The following NHSL1 variants were observed in gnomAD, a reference collection of about 807,000 sequenced individuals.
NHSL1 encodes the protein NHS-like protein 1.
In NHSL1, 48 loss-of-function variants were observed where a neutral mutation model predicts 95.0. The ratio of observed to expected loss-of-function variants is 0.51; its 90% confidence interval spans 0.40 to 0.64. The LOEUF is 0.64. Ranked by LOEUF, NHSL1 falls within the 30% of genes least tolerant of loss-of-function variation. The pLI is 0.00. For synonymous variants in NHSL1, 783 were observed against 833.9 expected (o/e 0.94, Z 1.05); for missense variants, 1,971 against 2,077.7 (o/e 0.95, Z 1.00).
At chr6:138,672,876 G>T (rs1562409124) in intron 1 of NHSL1, among the ~76,000 whole-genome samples, 2 of 152,024 alleles carry the variant, frequency 1.3e-5, no homozygotes, top group Non-Finnish European at 2.9e-5. Flanking sequence ...AATTAGCTGG[G>T]CATGGTGGCA....
At chr6:138,650,336 C>T (rs879088496) in intron 1 of NHSL1, 20 of 933,314 alleles carry the variant, frequency 2.1e-5, no homozygotes, top group Non-Finnish European at 2.9e-5. Flanking sequence ...ATTTGAACAC[C>T]GGGGAGTAAC....
At chr6:138,598,588 T>C (rs1046943306) in intron 1 of NHSL1, among the ~76,000 whole-genome samples, 6 of 138,588 alleles carry the variant, frequency 4.3e-5, no homozygotes, top group African/African-American at 1.7e-4. Context: ...GCCACTGCAC[T>C]CTAGCAGCCT....
intron 2 of NHSL1, among the ~76,000 whole-genome samples, chr6:138,491,968 C>T (rs1780104470): frequency 6.6e-6 from 1 of 152,160 alleles, no homozygotes; most frequent in South Asian, 2.1e-4. Context: ...TCAACCTGTA[C>T]ATGTTTGTAT....
chr6:138,591,849 C>T (rs1044870238), intron 1 of NHSL1, among the ~76,000 whole-genome samples: 2 of 152,170 alleles, frequency 1.3e-5, no homozygotes, highest in East Asian at 1.9e-4. Flanking sequence ...CGGATCCATG[C>T]TGTGGACACA....
At chr6:138,511,051 A>G (rs1781198930) in intron 1 of NHSL1, among the ~76,000 whole-genome samples, 1 of 152,218 alleles carries the variant, frequency 6.6e-6, no homozygotes. Context: ...AATCTGAGAA[A>G]AAAATCAACC....
At chr6:138,473,750 T>C (rs2128248725) in intron 2 of NHSL1, among the ~76,000 whole-genome samples, 1 of 152,220 alleles carries the variant, frequency 6.6e-6, no homozygotes, top group African/African-American at 2.4e-5. Flanking sequence ...GTAATTATAT[T>C]ATTTGCTCAA....
intron 1 of NHSL1, among the ~76,000 whole-genome samples, chr6:138,630,030 C>G (rs368110955): frequency 3.3e-5 from 5 of 152,318 alleles, no homozygotes; most frequent in East Asian, 1.9e-4. Flanking sequence ...CTGGGCAACA[C>G]AGTGAGACCC....
At chr6:138,497,444 C>T (rs1780421977) in intron 1 of NHSL1, among the ~76,000 whole-genome samples, 1 of 152,110 alleles carries the variant, frequency 6.6e-6, no homozygotes, top group Admixed American at 6.5e-5. Flanking sequence ...CTGATCTATG[C>T]TATAGAGTTC....
Position 138,562,310 on chromosome 6 carries a change from G to A in NHSL1, c.202+9400C>T, listed in dbSNP as rs573280425. Among the ~76,000 whole-genome samples the A allele has an allele frequency of 5.3e-5, 8 of 152,280 alleles. No individual in the cohort carries two copies. In the South Asian group the frequency reaches 1.7e-3, roughly 32 times the overall value. On this transcript the variant is annotated intron_variant, in intron 1 of 6. Coordinates refer to the NHSL1 transcript ENST00000427025. Reference sequence around the variant, plus strand: ...AAAAAATCACAGATGCCGTTGCTAAGGGAAAAAGTAATTATGAAAATCTGT... The same window carrying A: ...AAAAAATCACAGATGCCGTTGCTAAAGGAAAAAGTAATTATGAAAATCTGT...
intron 1 of NHSL1, among the ~76,000 whole-genome samples, chr6:138,585,724 G>A (rs1784125066): frequency 6.6e-6 from 1 of 152,166 alleles, no homozygotes; most frequent in African/African-American, 2.4e-5. Context: ...ATAAGAAAAT[G>A]CTTAGTTAAA....
chr6:138,581,400 T>A (rs984049927), intron 1 of NHSL1, among the ~76,000 whole-genome samples: 1 of 151,940 alleles, frequency 6.6e-6, no homozygotes, highest in African/African-American at 2.4e-5. Context: ...CTCAGAGAAA[T>A]TTTTCACAGG....
rs1032328829 is a variant in NHSL1, at chr6:138,668,385, G to T, written c.96+24091C>A. ...TTGAACCTGGGAGGCGGAGGTTGCA[G>T]TGAGCCGAGATGGTGCCATTGCACT... On this transcript the variant is annotated intron_variant, in intron 1 of 3. Coordinates refer to the NHSL1 transcript ENST00000491526. 4.6e-5 allele frequency among the ~76,000 whole-genome samples: 7 copies of T among 152,198 alleles called. No individual in the cohort carries two copies. In the East Asian group the frequency reaches 1.4e-3, roughly 30 times the overall value.
At chr6:138,572,459 C>CAAAG (rs1260696748) in exon 1 of NHSL1, 2 of 153,152 alleles carry the variant, frequency 1.3e-5, no homozygotes, top group African/African-American at 4.8e-5. Context: ...TGGGAGAAAT[C>CAAAG]AAAGAGCTCA....
intron 1 of NHSL1, among the ~76,000 whole-genome samples, chr6:138,534,042 T>C (rs1782240971): frequency 2.0e-5 from 3 of 152,218 alleles, no homozygotes; most frequent in South Asian, 4.1e-4. Context: ...TTTGGTTGAG[T>C]TGCTACAAAA....
intron 2 of NHSL1, among the ~76,000 whole-genome samples, chr6:138,494,177 G>T (rs1228528462): frequency 1.3e-5 from 2 of 152,136 alleles, no homozygotes; most frequent in East Asian, 3.8e-4. Context: ...GAAGTTATCT[G>T]CCCTCTTTAA....
chr6:138,661,847 G>A (rs976833903), intron 1 of NHSL1, among the ~76,000 whole-genome samples: 1 of 152,086 alleles, frequency 6.6e-6, no homozygotes, highest in Non-Finnish European at 1.5e-5. Context: ...TGGGAAGACT[G>A]CTTGATTGAG....
chr6:138,527,605 T>C (rs1781960674), intron 1 of NHSL1, among the ~76,000 whole-genome samples: 1 of 152,068 alleles, frequency 6.6e-6, no homozygotes, highest in Non-Finnish European at 1.5e-5. Context: ...TGGAAAGAAG[T>C]GGGTACATAC....
chr6:138,606,686 T>TTTTC (rs1220849275), intron 1 of NHSL1, among the ~76,000 whole-genome samples: 5 of 147,156 alleles, frequency 3.4e-5, no homozygotes, highest in Admixed American at 7.2e-5. Flanking sequence ...GGCTACTTCT[T>TTTTC]TTTCTTTCTT....
At chr6:138,474,663 A>G (rs1391475476) in intron 2 of NHSL1, among the ~76,000 whole-genome samples, 1 of 152,220 alleles carries the variant, frequency 6.6e-6, no homozygotes, top group East Asian at 1.9e-4. Context: ...TATAGGTCAA[A>G]AATGTTGTGG....
Sources: gnomAD v4.1 joint callset for allele counts (sites outside exome capture counted in the v4.1 genomes callset) on GRCh38, gnomAD v4.1.1 for gene constraint, MANE v1.5 for transcripts, NCBI Gene and HGNC (gene_info 2026-07-23, HGNC 2026-07-21) for gene names.